The following CCDC186 variants were observed in gnomAD, a reference collection of about 807,000 sequenced individuals.
The protein encoded by CCDC186 is coiled-coil domain-containing protein 186.
In CCDC186, 49 loss-of-function variants were observed where a neutral mutation model predicts 113.7. The ratio of observed to expected loss-of-function variants is 0.43; its 90% CI spans 0.34 to 0.55. The LOEUF (loss-of-function observed/expected upper bound fraction) is 0.55, where lower values mean the gene tolerates loss of function less well. Ranked by LOEUF, CCDC186 falls within the 20% of genes least tolerant of loss-of-function variation. CCDC186 has a pLI of 0.02. For synonymous variants in CCDC186, 355 were observed against 345.8 expected (o/e 1.03, Z -0.30); for missense variants, 890 against 1,011.1 (o/e 0.88, Z 1.62).
intron 1 of CCDC186, chr10:114,166,053 A>C (rs759268705): frequency 2.5e-6 from 1 of 398,552 alleles, no homozygotes; most frequent in Non-Finnish European, 3.4e-6. Flanking sequence ...GTTACATCGG[A>C]CCAAGGGATT....
chr10:114,126,129 A>G, intron 14 of CCDC186, 24 bp from the exon 15 acceptor site: 1 of 1,582,582 alleles, frequency 6.3e-7, no homozygotes, highest in Non-Finnish European at 8.7e-7. Flanking sequence ...TGATAGTATC[A>G]GTTGTGTACT....
At chr10:114,153,781 C>T (rs1211836855) in intron 3 of CCDC186, among the ~76,000 whole-genome samples, 8 of 131,252 alleles carry the variant, frequency 6.1e-5, no homozygotes, top group African/African-American at 1.7e-4. Context: ...AGCGAAATGA[C>T]GTCTCAAAAA....
intron 2 of CCDC186, 79 bp from the exon 3 acceptor site, chr10:114,157,759 C>T (rs2032054813): frequency 8.9e-7 from 1 of 1,124,288 alleles, no homozygotes; most frequent in Non-Finnish European, 1.3e-6. Context: ...AATTTCTTTA[C>T]AGATCAGGGT....
chr10:114,145,079 T>C (rs2031592869), intron 5 of CCDC186, among the ~76,000 whole-genome samples: 1 of 152,062 alleles, frequency 6.6e-6, no homozygotes, highest in Admixed American at 6.5e-5. Context: ...AGTAACTAAA[T>C]CTCTTTAGAT....
At chr10:114,150,848 A>G (rs1261911383) in intron 4 of CCDC186, among the ~76,000 whole-genome samples, 9 of 152,056 alleles carry the variant, frequency 5.9e-5, no homozygotes, top group Non-Finnish European at 1.3e-4. Flanking sequence ...ATGGGGTTTC[A>G]CCATGTTAGC....
Position 114,122,161 on chromosome 10 carries a change from G to C in CCDC186, c.*2982C>G, listed in dbSNP as rs957442530. 6.6e-6 allele frequency: 1 copy of C among 152,108 alleles called. No individual in the cohort carries two copies. The highest frequency in any genetic ancestry group is 1.5e-5 in the Non-Finnish European group (1 of 68,046). The allele number at this position is 152,108 out of a possible 1,614,324, so 9.4% of individuals were successfully genotyped here. On this transcript the variant is annotated 3_prime_UTR_variant, in exon 16 of 16. Coordinates refer to ENST00000369287, the MANE Select transcript of CCDC186 (RefSeq NM_018017.4). ...ACTCCATGAGGATGGAAATGCCCTG[G>C]TCTGCTCACTAGTATAAATACAATA...
chr10:114,144,450 C>CA (rs780654700), intron 6 of CCDC186, 47 bp downstream of exon 6: 57 of 1,546,516 alleles, frequency 3.7e-5, no homozygotes, highest in Non-Finnish European at 4.7e-5. Context: ...AAAACAAAAA[C>CA]AAAAAAACTC....
At chr10:114,162,316 CTTG>C (rs972309907) in intron 2 of CCDC186, 66 of 169,724 alleles carry the variant, frequency 3.9e-4, no homozygotes, top group African/African-American at 1.1e-3. Flanking sequence ...AATTTTATGA[CTTG>C]TTATTTCCTT....
intron 1 of CCDC186, chr10:114,165,780 G>A (rs1046914456): frequency 6.7e-5 from 35 of 520,218 alleles, no homozygotes; most frequent in African/African-American, 6.4e-5. Context: ...CCCAGGAGGC[G>A]GAGGTTGTAG....
chr10:114,130,715 C>G (rs1190380807), intron 12 of CCDC186: 3 of 152,228 alleles, frequency 2.0e-5, no homozygotes, highest in Admixed American at 1.3e-4. Context: ...AAGAAGATAT[C>G]AGAACTGCTA....
rs1564915935 is a variant in CCDC186, at chr10:114,157,545, CTTT to C, written c.759+6_759+8del. On this transcript the variant is annotated splice_donor_region_variant and intron_variant, in intron 3 of 15. Coordinates refer to ENST00000369287, the MANE Select transcript of CCDC186 (RefSeq NM_018017.4). ...AAGTATAGTCTTCGAAGATTTTTGT[CTTT>C]TTTACCTGTTTAATTGTGTTCATAT... is the stretch of plus-strand genomic sequence containing the variant. 6.3e-7 allele frequency: 1 copy of C among 1,580,644 alleles called. No individual in the cohort carries two copies. Among genetic ancestry groups the C allele is most frequent in the Non-Finnish European group, 8.5e-7 (1 of 1,170,560 alleles).
intron 2 of CCDC186, among the ~76,000 whole-genome samples, chr10:114,159,717 G>A (rs908257671): frequency 2.4e-4 from 36 of 151,892 alleles, no homozygotes; most frequent in African/African-American, 8.7e-4. Context: ...CACTTTGGGA[G>A]GCCAGTGTGG....
At chr10:114,166,095 G>C (rs1014226509) in intron 1 of CCDC186, among the ~76,000 whole-genome samples, 1 of 152,148 alleles carries the variant, frequency 6.6e-6, no homozygotes, top group Non-Finnish European at 1.5e-5. Flanking sequence ...GGAAAGTACA[G>C]AGGTTAGGAG....
chr10:114,138,317 A>G (rs1467000421), intron 6 of CCDC186, among the ~76,000 whole-genome samples: 1 of 129,046 alleles, frequency 7.7e-6, no homozygotes, highest in Non-Finnish European at 1.6e-5. Context: ...TTTTGGAGAC[A>G]GCGTCTCATT....
Position 114,126,141 on chromosome 10 carries a change from G to C in CCDC186, c.2394-36C>G, listed in dbSNP as rs762694491. On this transcript the variant is annotated intron_variant, in intron 14 of 15. Transcript: ENST00000369287. ...AAATGATAGTATCAGTTGTGTACTT[G>C]TAGAATTAAAAAAAATGGAATCTGC... is the stretch of plus-strand genomic sequence containing the variant. 30 of 1,541,992 alleles carry C rather than the reference G, an allele frequency of 1.9e-5. No homozygotes were observed. In the South Asian group the frequency reaches 3.1e-4, roughly 16 times the overall value.
At chr10:114,153,109 A>C (rs575877861) in intron 3 of CCDC186, among the ~76,000 whole-genome samples, 4 of 152,306 alleles carry the variant, frequency 2.6e-5, no homozygotes, top group African/African-American at 9.6e-5. Context: ...ACTACAAAAC[A>C]ATGGAATCTA....
chr10:114,157,858 C>A (rs78126993), intron 2 of CCDC186, among the ~76,000 whole-genome samples, 178 bp from the exon 3 acceptor site: 1 of 152,146 alleles, frequency 6.6e-6, no homozygotes, highest in Non-Finnish European at 1.5e-5. Context: ...GCAAAAGATT[C>A]TCTGGCCCAT....
intron 1 of CCDC186, among the ~76,000 whole-genome samples, chr10:114,169,128 C>A (rs1843394120): frequency 1.3e-5 from 2 of 151,712 alleles, no homozygotes; most frequent in Admixed American, 6.6e-5. Flanking sequence ...TGCCAGGGCT[C>A]CATCAGAAGC....
intron 5 of CCDC186, among the ~76,000 whole-genome samples, chr10:114,145,338 T>TC (rs397766767): frequency 6.6e-6 from 1 of 151,704 alleles, no homozygotes; most frequent in South Asian, 2.1e-4. Context: ...TGCCAACACT[T>TC]ATTTTTTCCC....
Sources: allele counts gnomAD v4.1 joint callset (sites outside exome capture counted in the v4.1 genomes callset), GRCh38; gene constraint gnomAD v4.1.1; transcripts MANE v1.5; gene names NCBI Gene and HGNC (gene_info 2026-07-23, HGNC 2026-07-21).